PCDH15: variants seen among roughly 807,000 people sequenced by gnomAD.
The protein encoded by PCDH15 is protocadherin related 15.
In PCDH15, 129 loss-of-function variants were observed where a neutral mutation model predicts 178.5. That is an observed-to-expected ratio of 0.72 (90% CI 0.63 to 0.84). The LOEUF is 0.84. Ranked by LOEUF, PCDH15 falls within the 40% of genes least tolerant of loss-of-function variation. The pLI, the probability that PCDH15 is intolerant of heterozygous loss-of-function variation, is 0.00. For missense variants in PCDH15, 2,230 were observed against 2,099.9 expected (o/e 1.06, Z -1.21); for synonymous variants, 800 against 732.0 (o/e 1.09, Z -1.50).
intron 2 of PCDH15, among the ~76,000 whole-genome samples, chr10:55,038,621 C>T (rs751842298): frequency 4.6e-5 from 7 of 152,148 alleles, no homozygotes; most frequent in Non-Finnish European, 8.8e-5. Context: ...CCCTTAATAA[C>T]CATTTGAGTT....
intron 1 of PCDH15, among the ~76,000 whole-genome samples, chr10:55,222,186 ATTTTT>A (rs1840896950): frequency 6.6e-6 from 1 of 151,792 alleles, no homozygotes; most frequent in Non-Finnish European, 1.5e-5. Context: ...ATATAATTTA[ATTTTT>A]AATTATTTCC....
chr10:55,625,705 G>C (rs575977371), intron 2 of PCDH15, among the ~76,000 whole-genome samples: 2 of 152,128 alleles, frequency 1.3e-5, no homozygotes, highest in African/African-American at 4.8e-5. Context: ...TCTGCCCTTT[G>C]AGATAAACCT....
intron 2 of PCDH15, among the ~76,000 whole-genome samples, chr10:54,558,466 G>C (rs146314900): frequency 6.6e-6 from 1 of 152,006 alleles, no homozygotes; most frequent in Non-Finnish European, 1.5e-5. Context: ...CATAAACTCT[G>C]TATAATCTCA....
At chr10:54,156,817 G>C (rs2045201846) in intron 13 of PCDH15, among the ~76,000 whole-genome samples, 1 of 152,194 alleles carries the variant, frequency 6.6e-6, no homozygotes, top group African/African-American at 2.4e-5. Flanking sequence ...GGAGATACAG[G>C]CATTGGGTAA....
chr10:53,827,363 C>T, intron 32 of PCDH15, 30 bp downstream of exon 32: 1 of 1,580,794 alleles, frequency 6.3e-7, no homozygotes, highest in Middle Eastern at 1.7e-4. Flanking sequence ...AACCCAACTA[C>T]TTCTCAGAGT....
In PCDH15 at chr10:54,769,615, G is replaced by A. The variant is rs190210677; in HGVS notation, c.-29+31310C>T. ...TTTACAGGAAACATCATCACAAAATGCCATGAGAAAGCAGACTGTGTACAG... is the reference window on the plus strand; with the variant it reads ...TTTACAGGAAACATCATCACAAAATACCATGAGAAAGCAGACTGTGTACAG... On this transcript the variant is annotated intron_variant, in intron 1 of 37. Coordinates refer to ENST00000644397, the MANE Select transcript of PCDH15 (RefSeq NM_001384140.1). 1.4e-3 allele frequency among the ~76,000 whole-genome samples: 214 copies of A among 151,922 alleles called. 2 individuals carry two copies. Among genetic ancestry groups the A allele is most frequent in the East Asian group, 0.011 (57 of 5,160 alleles).
chr10:55,543,620 T>C (rs942865451), intron 2 of PCDH15, among the ~76,000 whole-genome samples: 3 of 151,164 alleles, frequency 2.0e-5, no homozygotes, highest in African/African-American at 7.3e-5. Context: ...AGAGCTAGAA[T>C]CTAAATCCAC....
chr10:55,202,757 GTT>G (rs906997617), intron 1 of PCDH15, among the ~76,000 whole-genome samples: 1 of 152,106 alleles, frequency 6.6e-6, no homozygotes, highest in Admixed American at 6.5e-5. Flanking sequence ...CCCCCATGCC[GTT>G]TACATGATAG....
chr10:54,423,573 G>C (rs1047156901), intron 3 of PCDH15, among the ~76,000 whole-genome samples: 2 of 151,772 alleles, frequency 1.3e-5, no homozygotes, highest in Non-Finnish European at 1.5e-5. Context: ...GTCTGAACTT[G>C]TTGAAACCCT....
At chr10:55,587,216 A>G (rs573592528) in intron 2 of PCDH15, among the ~76,000 whole-genome samples, 1 of 152,236 alleles carries the variant, frequency 6.6e-6, no homozygotes, top group African/African-American at 2.4e-5. Flanking sequence ...AAACATTTTT[A>G]TAATCACAAT....
chr10:54,475,117 A>G (rs1457592130), intron 3 of PCDH15, among the ~76,000 whole-genome samples: 1 of 151,928 alleles, frequency 6.6e-6, no homozygotes, highest in East Asian at 1.9e-4. Context: ...CATTTTTCCA[A>G]GTATTTTATA....
At chr10:55,501,996 A>G (rs1245498523) in intron 2 of PCDH15, among the ~76,000 whole-genome samples, 1 of 151,706 alleles carries the variant, frequency 6.6e-6, no homozygotes, top group Non-Finnish European at 1.5e-5. Context: ...ATTTCTTTAC[A>G]TCCTTCCCAC....
At chr10:54,636,001 C>T (rs965414075) in intron 2 of PCDH15, among the ~76,000 whole-genome samples, 1 of 151,722 alleles carries the variant, frequency 6.6e-6, no homozygotes, top group Admixed American at 6.6e-5. Context: ...ACAAGACAGC[C>T]ACTATCATCA....
At chr10:54,568,656 C>A (rs2089371756) in intron 2 of PCDH15, 1 of 152,146 alleles carries the variant, frequency 6.6e-6, no homozygotes, top group Non-Finnish European at 1.5e-5. Flanking sequence ...CTACCCCACC[C>A]TTTCCATAAA....
intron 2 of PCDH15, among the ~76,000 whole-genome samples, chr10:54,919,203 A>C (rs147950496): frequency 6.6e-6 from 1 of 152,236 alleles, no homozygotes; most frequent in Non-Finnish European, 1.5e-5. Context: ...TCCTGAACTT[A>C]TTAGCTTCAA....
chr10:54,346,510 T>C (rs775608104), intron 5 of PCDH15, 26 bp from the exon 6 acceptor site: 2 of 1,611,322 alleles, frequency 1.2e-6, no homozygotes, highest in African/African-American at 2.7e-5. Context: ...ATTTTAAATA[T>C]CAATTTTCAT....
intron 3 of PCDH15, among the ~76,000 whole-genome samples, chr10:54,452,258 G>A (rs1010847235): frequency 3.3e-5 from 5 of 151,802 alleles, no homozygotes; most frequent in African/African-American, 7.3e-5. Context: ...CCTATAAAAT[G>A]CTTCTCCTCC....
chr10:54,987,348 T>A (rs2131912074), intron 2 of PCDH15, among the ~76,000 whole-genome samples: 1 of 152,296 alleles, frequency 6.6e-6, no homozygotes, highest in African/African-American at 2.4e-5. Flanking sequence ...ATCTTTATGG[T>A]AGAATGATTC....
chr10:55,050,063 G>C (rs1024777360), intron 2 of PCDH15, among the ~76,000 whole-genome samples: 1 of 151,972 alleles, frequency 6.6e-6, no homozygotes, highest in Non-Finnish European at 1.5e-5. Context: ...TATTTAGATA[G>C]ATTTTATGTA....
Sources: gnomAD v4.1 joint callset for allele counts (sites outside exome capture counted in the v4.1 genomes callset) on GRCh38, gnomAD v4.1.1 for gene constraint, MANE v1.5 for transcripts, NCBI Gene and HGNC (gene_info 2026-07-23, HGNC 2026-07-21) for gene names.